The following LARGE1 variants were observed in gnomAD, a reference collection of about 807,000 sequenced individuals.
LARGE1 encodes xylosyl- and glucuronyltransferase LARGE1.
Under a neutral mutation model 87.6 loss-of-function variants are expected in LARGE1, and 43 were observed. The ratio of observed to expected loss-of-function variants is 0.49; its 90% CI spans 0.38 to 0.63. LARGE1 has a LOEUF of 0.63. Ranked by LOEUF, LARGE1 falls within the 30% of genes least tolerant of loss-of-function variation. LARGE1 has a pLI of 0.00. For missense variants in LARGE1, 802 were observed against 1,000.2 expected, an observed-to-expected ratio of 0.80 and a Z score of 2.67; for synonymous variants, 434 against 394.6, an observed-to-expected ratio of 1.10 and a Z score of -1.18.
chr22:33,885,536 A>G (rs1198708652), intron 1 of LARGE1, among the ~76,000 whole-genome samples: 1 of 152,248 alleles, frequency 6.6e-6, no homozygotes, highest in Non-Finnish European at 1.5e-5. Flanking sequence ...TGATAGAGCA[A>G]TATGAAGCTT....
intron 5 of LARGE1, among the ~76,000 whole-genome samples, chr22:33,596,825 T>C (rs2078988737): frequency 6.6e-6 from 1 of 152,230 alleles, no homozygotes; most frequent in African/African-American, 2.4e-5. Context: ...TGCTTTCCAT[T>C]ACAAGTTCTC....
At chr22:33,383,170 T>C (rs1428557294) in intron 8 of LARGE1, among the ~76,000 whole-genome samples, 1 of 152,136 alleles carries the variant, frequency 6.6e-6, no homozygotes, top group African/African-American at 2.4e-5. Flanking sequence ...CACAGGAAGA[T>C]GAAAATTTAA....
At chr22:33,789,447 A>G (rs560534080) in intron 1 of LARGE1, among the ~76,000 whole-genome samples, 2 of 152,344 alleles carry the variant, frequency 1.3e-5, no homozygotes, top group African/African-American at 4.8e-5. Context: ...TGGATCCCCC[A>G]CACAGAGTGC....
chr22:33,675,372 A>G (rs2081546402), intron 2 of LARGE1, among the ~76,000 whole-genome samples: 1 of 151,024 alleles, frequency 6.6e-6, no homozygotes, highest in Non-Finnish European at 1.5e-5. Flanking sequence ...ATGCCTGAGA[A>G]AGTGAGATTT....
chr22:33,877,433 G>C (rs1462179185), intron 1 of LARGE1, among the ~76,000 whole-genome samples: 3 of 152,128 alleles, frequency 2.0e-5, no homozygotes, highest in Admixed American at 1.3e-4. Flanking sequence ...AGGGCTCTGA[G>C]GACAGATTAT....
chr22:33,718,808 C>T (rs890962442), intron 2 of LARGE1, among the ~76,000 whole-genome samples: 11 of 152,294 alleles, frequency 7.2e-5, no homozygotes, highest in East Asian at 3.9e-4. Context: ...GATGGAGTCT[C>T]GCTCTGTCGC....
chr22:33,508,476 A>G (rs1224742832), intron 6 of LARGE1, among the ~76,000 whole-genome samples: 1 of 152,204 alleles, frequency 6.6e-6, no homozygotes, highest in Non-Finnish European at 1.5e-5. Context: ...ACTCAACACT[A>G]AAGTGTACAT....
At chr22:33,122,984 G>T in the LARGE1 span, among the ~76,000 whole-genome samples, 1 of 152,150 alleles carries the variant, frequency 6.6e-6, no homozygotes, top group South Asian at 2.1e-4. Flanking sequence ...TGTTGGATAA[G>T]GGGGAGAAGT....
At chr22:33,845,699 T>TA (rs2063409526) in intron 1 of LARGE1, among the ~76,000 whole-genome samples, 1 of 152,110 alleles carries the variant, frequency 6.6e-6, no homozygotes, top group African/African-American at 2.4e-5. Flanking sequence ...TGAAAAATGT[T>TA]AAAAACATTA....
At chr22:33,871,505 G>A (rs1321393469) in intron 1 of LARGE1, among the ~76,000 whole-genome samples, 3 of 152,190 alleles carry the variant, frequency 2.0e-5, no homozygotes, top group Non-Finnish European at 4.4e-5. Context: ...TCAGAACACA[G>A]ATGCTATTAG....
chr22:33,189,039 C>CT (rs201713064), intron 11 of LARGE1, among the ~76,000 whole-genome samples: 4,584 of 152,130 alleles, frequency 0.03, 94 homozygotes, highest in Admixed American at 0.056. Flanking sequence ...AGTTATGATC[C>CT]CTGGGCAGAG....
the LARGE1 span, among the ~76,000 whole-genome samples, chr22:33,134,509 G>A: frequency 1.3e-5 from 2 of 152,156 alleles, no homozygotes; most frequent in African/African-American, 2.4e-5. Flanking sequence ...CGCCCGCCTC[G>A]GCCTCCCAAA....
intron 5 of LARGE1, among the ~76,000 whole-genome samples, chr22:33,591,204 A>G (rs1195378728): frequency 1.3e-5 from 2 of 152,242 alleles, no homozygotes. Context: ...TGCCTCAAAC[A>G]AACAAACAAA....
chr22:33,480,724 C>T (rs1252716804), intron 6 of LARGE1, among the ~76,000 whole-genome samples: 1 of 152,080 alleles, frequency 6.6e-6, no homozygotes, highest in Non-Finnish European at 1.5e-5. Flanking sequence ...AAGTTACTTG[C>T]AATCTTATCA....
chr22:33,692,500 G>A (rs2082125546), intron 2 of LARGE1, among the ~76,000 whole-genome samples: 1 of 152,132 alleles, frequency 6.6e-6, no homozygotes, highest in African/African-American at 2.4e-5. Flanking sequence ...TAGTAGAGAT[G>A]GGGTTTCACC....
At chr22:33,208,155 C>A (rs938939504) in intron 11 of LARGE1, among the ~76,000 whole-genome samples, 2 of 152,040 alleles carry the variant, frequency 1.3e-5, no homozygotes, top group Non-Finnish European at 2.9e-5. Context: ...TATTTACCAT[C>A]TTATTATACC....
chr22:33,115,592 G>T, the LARGE1 span, among the ~76,000 whole-genome samples: 1 of 151,968 alleles, frequency 6.6e-6, no homozygotes, highest in Admixed American at 6.6e-5. Context: ...TCAAGGCGGG[G>T]GAATCACGAA....
At chr22:33,249,872 T>C (rs1926936646) in intron 11 of LARGE1, among the ~76,000 whole-genome samples, 1 of 152,230 alleles carries the variant, frequency 6.6e-6, no homozygotes, top group Admixed American at 6.5e-5. Flanking sequence ...ATTTCTGGGC[T>C]TTCTATTCTG....
At chr22:33,866,542 C>T (rs183047398) in intron 1 of LARGE1, among the ~76,000 whole-genome samples, 3 of 152,204 alleles carry the variant, frequency 2.0e-5, no homozygotes, top group African/African-American at 7.2e-5. Flanking sequence ...GTCTGTGTGA[C>T]CTTGGGTGAG....
Sources: allele counts gnomAD v4.1 joint callset (sites outside exome capture counted in the v4.1 genomes callset), GRCh38; gene constraint gnomAD v4.1.1; transcripts MANE v1.5; gene names NCBI Gene and HGNC (gene_info 2026-07-23, HGNC 2026-07-21).